Variants in TRAPPC8 observed in about 807,000 individuals in gnomAD.
The protein encoded by TRAPPC8 is general sporulation gene 1 homolog.
Under a neutral mutation model 174.3 loss-of-function variants are expected in TRAPPC8, and 54 were observed. That is an observed-to-expected ratio of 0.31 (90% CI 0.25 to 0.39). The LOEUF (loss-of-function observed/expected upper bound fraction) is 0.39, where lower values mean the gene tolerates loss of function less well. TRAPPC8 is among the 10% of genes least tolerant of loss of function. The probability of loss-of-function intolerance (pLI) is 1.00; values close to 1 mark genes in which losing one functional copy is unlikely to be tolerated. For missense variants in TRAPPC8, 1,531 were observed against 1,699.1 expected, an observed-to-expected ratio of 0.90 and a Z score of 1.74; for synonymous variants, 630 against 579.9, an observed-to-expected ratio of 1.09 and a Z score of -1.24.
Position 31,853,337 on chromosome 18 carries a change from A to G in TRAPPC8, c.3433+512T>C, listed in dbSNP as rs2033812571. On this transcript the variant is annotated intron_variant, in intron 22 of 28. Coordinates refer to ENST00000283351, the MANE Select transcript of TRAPPC8 (RefSeq NM_014939.5). ...CGCTGGAGTGCAGTGGCATGATCTT[A>G]GCTCACTGCACCCTCTGCCTCCCGG... 2.6e-5 allele frequency among the ~76,000 whole-genome samples: 4 copies of G among 152,160 alleles called. No individual in the cohort carries two copies. In the South Asian group the frequency reaches 8.3e-4, roughly 31 times the overall value.
chr18:31,901,266 CAAGTT>C (rs2036412904), intron 9 of TRAPPC8, among the ~76,000 whole-genome samples: 2 of 1,522 alleles, frequency 1.3e-3, no homozygotes, highest in South Asian at 0.17. Flanking sequence ...ACCTAGAATT[CAAGTT>C]AAGTAATGAG....
intron 9 of TRAPPC8, among the ~76,000 whole-genome samples, chr18:31,903,277 T>G (rs1231508078): frequency 6.6e-6 from 1 of 152,142 alleles, no homozygotes; most frequent in Non-Finnish European, 1.5e-5. Flanking sequence ...TGATTTAGGG[T>G]TGTACTTTCA....
At position 31,855,473 on chromosome 18, in the gene TRAPPC8, AAGAC is replaced by A. The variant is rs199623634; in HGVS notation, c.3336+183_3336+186del. On this transcript the variant is annotated intron_variant, in intron 21 of 28. Coordinates refer to ENST00000283351, the MANE Select transcript of TRAPPC8 (RefSeq NM_014939.5). ...TAATATCAGAAGATCTTTTTATTTG[AAGAC>A]AGACTAAGGGATAAAATCACAAATC... Among the ~76,000 whole-genome samples the A allele has an allele frequency of 2.5e-3, 377 of 152,310 alleles. 1 individual carries two copies. Among genetic ancestry groups the A allele is most frequent in the African/African-American group, 8.8e-3 (364 of 41,570 alleles).
At chr18:31,911,194 G>T (rs188170142) in intron 5 of TRAPPC8, among the ~76,000 whole-genome samples, 56 of 152,088 alleles carry the variant, frequency 3.7e-4, no homozygotes, top group Non-Finnish European at 7.1e-4. Context: ...TAGTTTAATT[G>T]AACAATATAA....
chr18:31,927,127 A>G (rs2037650557), intron 2 of TRAPPC8, among the ~76,000 whole-genome samples: 2 of 151,994 alleles, frequency 1.3e-5, no homozygotes, highest in South Asian at 4.1e-4. Flanking sequence ...TTTTCTTTTG[A>G]GGCAGGGTCT....
rs540973450 is a variant in TRAPPC8, at chr18:31,864,441, A to G, written c.2745+186T>C. Among the ~76,000 whole-genome samples, 379 of 152,220 alleles carry G rather than the reference A, an allele frequency of 2.5e-3. 1 individual carries two copies. Among genetic ancestry groups the G allele is most frequent in the Non-Finnish European group, 4.9e-3 (330 of 67,990 alleles). On this transcript the variant is annotated intron_variant, in intron 19 of 28. Transcript: ENST00000283351. ...GAGGGTTATATTTTATAGCCTGGCTATGACTTAATGGCAATTTGCATGATT... is the reference window on the plus strand; with the variant it reads ...GAGGGTTATATTTTATAGCCTGGCTGTGACTTAATGGCAATTTGCATGATT...
Position 31,907,455 on chromosome 18 carries a change from C to A in TRAPPC8, c.1389+5G>T. 1 of 1,569,516 alleles carries A rather than the reference C, an allele frequency of 6.4e-7. No individual in the cohort carries two copies. Among genetic ancestry groups the A allele is most frequent in the Non-Finnish European group, 8.6e-7 (1 of 1,156,272 alleles). On this transcript the variant is annotated splice_donor_5th_base_variant and intron_variant, in intron 9 of 28. Coordinates refer to ENST00000283351, the MANE Select transcript of TRAPPC8 (RefSeq NM_014939.5). ...TAAGGAATTATAATACCATAGAATA[C>A]CAACCAAGGCACCAGCTGCATAAAG...
At chr18:31,865,699 A>G (rs1223412319) in intron 18 of TRAPPC8, among the ~76,000 whole-genome samples, 4 of 151,858 alleles carry the variant, frequency 2.6e-5, no homozygotes, top group Non-Finnish European at 5.9e-5. Context: ...GTACTAGATT[A>G]AGATCCTAGT....
At chr18:31,847,341 T>G (rs981727601) in intron 25 of TRAPPC8, among the ~76,000 whole-genome samples, 3 of 152,208 alleles carry the variant, frequency 2.0e-5, no homozygotes, top group Non-Finnish European at 4.4e-5. Context: ...TTATCTATAT[T>G]ATAATACTTG....
chr18:31,936,208 A>G (rs2038090255), intron 1 of TRAPPC8, among the ~76,000 whole-genome samples: 1 of 151,330 alleles, frequency 6.6e-6, no homozygotes, highest in Non-Finnish European at 1.5e-5. Context: ...CCTGTAATCT[A>G]GGCACTTTGG....
chr18:31,850,018 T>G (rs1237494176), intron 24 of TRAPPC8, among the ~76,000 whole-genome samples: 1 of 151,898 alleles, frequency 6.6e-6, no homozygotes, highest in East Asian at 1.9e-4. Flanking sequence ...AGTGGTGCAA[T>G]CTCAGCTCAC....
intron 1 of TRAPPC8, chr18:31,937,739 T>C (rs2038168527): frequency 6.6e-6 from 1 of 152,202 alleles, no homozygotes; most frequent in African/African-American, 2.4e-5. Flanking sequence ...AGTCTCGCTC[T>C]GTCACCCAGG....
chr18:31,898,953 A>T (rs1272568963), intron 10 of TRAPPC8, among the ~76,000 whole-genome samples: 1 of 152,176 alleles, frequency 6.6e-6, no homozygotes, highest in African/African-American at 2.4e-5. Context: ...TACTTTGGAA[A>T]CCCATTCTAA....
intron 2 of TRAPPC8, among the ~76,000 whole-genome samples, chr18:31,927,031 G>A (rs941886267): frequency 6.6e-6 from 1 of 152,132 alleles, no homozygotes; most frequent in Non-Finnish European, 1.5e-5. Flanking sequence ...AGAAATTGGT[G>A]GGGCAAGGTA....
At chr18:31,904,723 G>A (rs1018954040) in intron 9 of TRAPPC8, among the ~76,000 whole-genome samples, 3 of 151,930 alleles carry the variant, frequency 2.0e-5, no homozygotes, top group African/African-American at 4.8e-5. Context: ...ACAAAATATC[G>A]TACAGCTCTA....
At chr18:31,934,965 A>AATAAATAC (rs1389791547) in intron 1 of TRAPPC8, among the ~76,000 whole-genome samples, 3 of 150,866 alleles carry the variant, frequency 2.0e-5, no homozygotes, top group Admixed American at 1.3e-4. Context: ...TAAATAAATA[A>AATAAATAC]ATAAATAAAT....
At chr18:31,904,256 A>G (rs1461595136) in intron 9 of TRAPPC8, among the ~76,000 whole-genome samples, 1 of 152,032 alleles carries the variant, frequency 6.6e-6, no homozygotes, top group Non-Finnish European at 1.5e-5. Flanking sequence ...AAAAAAGAAA[A>G]AAGAACCTAA....
rs201745802 is a variant in TRAPPC8, at chr18:31,834,013, AC to A, written c.3984-1841del. On this transcript the variant is annotated intron_variant, in intron 27 of 28. Transcript: ENST00000283351. ...CAAGACTCCGTCTCAAAAAAAAAAA[AC>A]AAAAAACAGAAATTACATTTCTAAG... Among the ~76,000 whole-genome samples, 227 of 150,420 alleles carry A rather than the reference AC, an allele frequency of 1.5e-3. 11 individuals carry two copies. The highest frequency in any genetic ancestry group is 5.2e-3 in the African/African-American group (211 of 40,882).
At chr18:31,902,376 T>G (rs568724460) in intron 9 of TRAPPC8, among the ~76,000 whole-genome samples, 1 of 152,156 alleles carries the variant, frequency 6.6e-6, no homozygotes, top group Non-Finnish European at 1.5e-5. Flanking sequence ...ATGCTGACCC[T>G]ACACTGGTCC....
Sources: allele counts gnomAD v4.1 joint callset (sites outside exome capture counted in the v4.1 genomes callset), GRCh38; gene constraint gnomAD v4.1.1; transcripts MANE v1.5; gene names NCBI Gene and HGNC (gene_info 2026-07-23, HGNC 2026-07-21).